Variants in PRKN observed in about 807,000 individuals in gnomAD.
PRKN encodes E3 ubiquitin-protein ligase parkin.
A neutral mutation model predicts 59.5 loss-of-function variants in PRKN; 56 were observed. That is an observed-to-expected ratio of 0.94 (90% CI 0.76 to 1.18). PRKN has a LOEUF of 1.18. PRKN is among the 50% of genes most tolerant of loss of function. The pLI, the probability that PRKN is intolerant of heterozygous loss-of-function variation, is 0.00. For synonymous variants in PRKN, 250 were observed against 222.1 expected (o/e 1.13, Z -1.12); for missense variants, 657 against 596.4 (o/e 1.10, Z -1.06).
intron 2 of PRKN, among the ~76,000 whole-genome samples, chr6:162,399,848 A>G (rs1787670897): frequency 6.6e-6 from 1 of 152,168 alleles, no homozygotes; most frequent in Non-Finnish European, 1.5e-5. Flanking sequence ...AAAAAGCACT[A>G]CAAGGAAAAA....
rs1562634425 is a variant in PRKN, at chr6:161,724,437, C to G, written c.871+61335G>C. On this transcript the variant is annotated intron_variant, in intron 7 of 11. Transcript: ENST00000366898. ...GCGTTCATACTTTCAGGAATTGCTTCTCTCTCAGGGATGGTGCCTCTGATG... is the reference window on the plus strand; with the variant it reads ...GCGTTCATACTTTCAGGAATTGCTTGTCTCTCAGGGATGGTGCCTCTGATG... Among the ~76,000 whole-genome samples, 3 of 152,182 alleles carry G rather than the reference C, an allele frequency of 2.0e-5. No homozygotes were observed. In the East Asian group the frequency reaches 5.8e-4, roughly 29 times the overall value.
intron 1 of PRKN, among the ~76,000 whole-genome samples, chr6:162,548,092 G>A (rs1003640636): frequency 7.2e-5 from 11 of 151,892 alleles, no homozygotes; most frequent in Admixed American, 7.2e-4. Context: ...ACGGAGTCTC[G>A]CTCTGTCACC....
chr6:162,102,316 T>C (rs1284793687), intron 4 of PRKN, among the ~76,000 whole-genome samples: 3 of 152,190 alleles, frequency 2.0e-5, no homozygotes, highest in Non-Finnish European at 2.9e-5. Context: ...GCATTAGTTA[T>C]GCACCAGCTA....
intron 1 of PRKN, among the ~76,000 whole-genome samples, chr6:162,492,429 C>T (rs956482084): frequency 6.6e-6 from 1 of 152,154 alleles, no homozygotes; most frequent in African/African-American, 2.4e-5. Context: ...TCTCACAGGT[C>T]CCATCCCTGG....
At chr6:161,918,886 T>C (rs988560662) in intron 6 of PRKN, among the ~76,000 whole-genome samples, 16 of 152,084 alleles carry the variant, frequency 1.1e-4, no homozygotes, top group African/African-American at 3.1e-4. Context: ...GGTGAGGAAG[T>C]AGAGAAACTA....
chr6:162,039,967 C>T (rs925496464), intron 5 of PRKN, among the ~76,000 whole-genome samples: 1 of 152,182 alleles, frequency 6.6e-6, no homozygotes, highest in African/African-American at 2.4e-5. Flanking sequence ...ATTAATTTTA[C>T]TGGTAAATTT....
chr6:161,491,977 G>C (rs2115273971), intron 9 of PRKN, among the ~76,000 whole-genome samples: 1 of 152,196 alleles, frequency 6.6e-6, no homozygotes, highest in South Asian at 2.1e-4. Context: ...TTCTAAACAA[G>C]GGTCAAAACA....
In PRKN at chr6:161,429,835, T is replaced by C. The variant is rs1767359512; in HGVS notation, c.1084-42958A>G. The stretch of plus-strand genomic sequence containing the variant: ...TAGCTACCAAGAGAAGACTTCATTT[T>C]AATTCTTGTCAGGAACTGTGAAGGA... On this transcript the variant is annotated intron_variant, in intron 9 of 11. Coordinates refer to ENST00000366898, the MANE Select transcript of PRKN (RefSeq NM_004562.3). This position sits in a 1 kb window ranked among gnomAD's most constrained non-coding sequence, Gnocchi z 4.2. 6.6e-6 allele frequency among the ~76,000 whole-genome samples: 1 copy of C among 152,202 alleles called. No individual in the cohort carries two copies. Among genetic ancestry groups the C allele is most frequent in the South Asian group, 2.1e-4 (1 of 4,824 alleles).
At chr6:162,514,722 G>A (rs190812785) in intron 1 of PRKN, among the ~76,000 whole-genome samples, 1 of 152,216 alleles carries the variant, frequency 6.6e-6, no homozygotes, top group Admixed American at 6.5e-5. Flanking sequence ...TTAAGCCCAG[G>A]AGTATGAGAC....
Position 161,428,521 on chromosome 6 carries a change from A to G in PRKN, c.1084-41644T>C, listed in dbSNP as rs1429636790. 1.3e-5 allele frequency among the ~76,000 whole-genome samples: 2 copies of G among 152,160 alleles called. No individual in the cohort carries two copies. The highest frequency in any genetic ancestry group is 4.8e-5 in the African/African-American group (2 of 41,434). ...GATGCCCGTGCCCAGGGCAGCAGCC[A>G]TAAAGGCCGTGGCACCTTCTTGCAT... On this transcript the variant is annotated intron_variant, in intron 9 of 11. Transcript: ENST00000366898. The surrounding 1 kb of genome is among the most constrained non-coding windows in gnomAD (Gnocchi z 4.0).
chr6:161,866,893 AGTTGGCTCT>A (rs1794133548), intron 6 of PRKN, among the ~76,000 whole-genome samples: 1 of 152,100 alleles, frequency 6.6e-6, no homozygotes, highest in Admixed American at 6.6e-5. Flanking sequence ...TTCTCTCTAG[AGTTGGCTCT>A]GGCTGAAGAG....
At chr6:161,696,860 T>C (rs1786043915) in intron 7 of PRKN, among the ~76,000 whole-genome samples, 2 of 152,248 alleles carry the variant, frequency 1.3e-5, no homozygotes, top group South Asian at 4.1e-4. Context: ...GCCTCAGTAC[T>C]AAGCATCCAA....
At chr6:161,854,828 T>C (rs1332364281) in intron 6 of PRKN, among the ~76,000 whole-genome samples, 1 of 152,030 alleles carries the variant, frequency 6.6e-6, no homozygotes, top group Non-Finnish European at 1.5e-5. Flanking sequence ...CTCATGCCTG[T>C]AATCCCAGCA....
chr6:162,387,852 A>T (rs9347625), intron 2 of PRKN, among the ~76,000 whole-genome samples: 121,341 of 152,160 alleles, frequency 0.8, 49,276 homozygotes, highest in African/African-American at 0.95. Flanking sequence ...AAGCAATGAA[A>T]CAAGGTGGCC....
intron 10 of PRKN, among the ~76,000 whole-genome samples, chr6:161,374,300 T>C (rs527455524): frequency 2.6e-4 from 40 of 151,260 alleles, no homozygotes; most frequent in Admixed American, 1.4e-3. Context: ...GTGTGGTATA[T>C]GTGGTGCGCG....
rs554176865 is a variant in PRKN, at chr6:162,563,152, A to G, written c.8-119679T>C. Among the ~76,000 whole-genome samples, 7 of 152,254 alleles carry G rather than the reference A, an allele frequency of 4.6e-5. No homozygotes were observed. The South Asian group carries it at 1.2e-3, about 27-fold the overall frequency. On this transcript the variant is annotated intron_variant, in intron 1 of 11. Transcript: ENST00000366898. ...CCTGTCTTTACTAAGGAATACAAAA[A>G]AATTAGCCAGACGTAGTGGTGGGCG...
chr6:161,677,950 C>A (rs554412988), intron 7 of PRKN, among the ~76,000 whole-genome samples: 1 of 152,272 alleles, frequency 6.6e-6, no homozygotes, highest in African/African-American at 2.4e-5. Context: ...GGCAAAAAAT[C>A]TTTTAAGAAC....
chr6:162,034,184 T>TAGAGAG lies in PRKN; in HGVS notation c.618+19906_618+19907insCTCTCT, dbSNP rs763053180. On this transcript the variant is annotated intron_variant, in intron 5 of 11. Transcript: ENST00000366898. ...GTACACATACATATATATATATATA[T>TAGAGAG]ATAGAGAGAGAGAGAGAGAGAGAGA... 7.0e-3 allele frequency among the ~76,000 whole-genome samples: 859 copies of TAGAGAG among 122,716 alleles called. 4 individuals are homozygous for TAGAGAG. Among genetic ancestry groups the TAGAGAG allele is most frequent in the Middle Eastern group, 0.037 (9 of 244 alleles). 80.5% of individuals were successfully genotyped at this position (122,716 alleles called of 152,430 possible).
intron 3 of PRKN, among the ~76,000 whole-genome samples, chr6:162,234,221 C>T (rs1341416616): frequency 6.6e-6 from 1 of 152,086 alleles, no homozygotes; most frequent in Non-Finnish European, 1.5e-5. Context: ...AGGGAGAATG[C>T]CCCTGGCATC....
Sources: allele counts gnomAD v4.1 joint callset (sites outside exome capture counted in the v4.1 genomes callset), GRCh38; gene constraint gnomAD v4.1.1; non-coding constraint Gnocchi (gnomAD v3.1); transcripts MANE v1.5; gene names NCBI Gene and HGNC (gene_info 2026-07-23, HGNC 2026-07-21).